TBC1D5: variants seen among roughly 807,000 people sequenced by gnomAD.
TBC1D5 encodes the protein TBC1 domain family, member 5.
TBC1D5 carries 75 observed loss-of-function variants against 100.3 expected under a neutral mutation model. The observed-to-expected ratio is 0.75, with a 90% CI of 0.62 to 0.91. The LOEUF (loss-of-function observed/expected upper bound fraction) is 0.91, where lower values mean the gene tolerates loss of function less well. Ranked by LOEUF, TBC1D5 falls within the 40% of genes least tolerant of loss-of-function variation. The pLI is 0.00. For synonymous variants in TBC1D5, 323 were observed against 325.6 expected (o/e 0.99, Z 0.09); for missense variants, 910 against 942.4 (o/e 0.97, Z 0.45).
At chr3:17,590,889 T>G (rs2096762696) in intron 2 of TBC1D5, among the ~76,000 whole-genome samples, 1 of 151,836 alleles carries the variant, frequency 6.6e-6, no homozygotes. Flanking sequence ...CCTACCTAAT[T>G]TACACAAGCA....
chr3:17,494,124 C>T (rs541167731), intron 3 of TBC1D5, among the ~76,000 whole-genome samples: 2 of 152,198 alleles, frequency 1.3e-5, no homozygotes, highest in South Asian at 4.2e-4. Flanking sequence ...GTCGTTGATG[C>T]TATTTGTTTT....
chr3:17,165,913 C>T (rs1431483007), intron 21 of TBC1D5, among the ~76,000 whole-genome samples: 1 of 152,214 alleles, frequency 6.6e-6, no homozygotes, highest in Non-Finnish European at 1.5e-5. Context: ...GGCTAAGTGC[C>T]TCTGGCTTCG....
intron 2 of TBC1D5, among the ~76,000 whole-genome samples, chr3:17,525,841 T>C (rs1293925193): frequency 2.0e-5 from 3 of 151,650 alleles, no homozygotes; most frequent in African/African-American, 7.3e-5. Flanking sequence ...TAAAACACTT[T>C]ACTTCTTTTT....
chr3:17,324,500 CG>C (rs1362435499), intron 13 of TBC1D5, among the ~76,000 whole-genome samples: 1 of 151,928 alleles, frequency 6.6e-6, no homozygotes, highest in Non-Finnish European at 1.5e-5. Context: ...AAAAATTAGC[CG>C]GGTGTAGTGG....
At chr3:17,428,734 T>C (rs2094391972) in intron 3 of TBC1D5, among the ~76,000 whole-genome samples, 1 of 151,942 alleles carries the variant, frequency 6.6e-6, no homozygotes. Context: ...ACAGTAACAG[T>C]ACCAAAGTAA....
At chr3:17,310,792 T>G (rs1025676245) in intron 13 of TBC1D5, among the ~76,000 whole-genome samples, 1 of 152,060 alleles carries the variant, frequency 6.6e-6, no homozygotes, top group African/African-American at 2.4e-5. Flanking sequence ...GAGAGGATAT[T>G]AAAGTAAAAT....
At chr3:17,487,733 A>C (rs1222418918) in intron 3 of TBC1D5, among the ~76,000 whole-genome samples, 1 of 152,198 alleles carries the variant, frequency 6.6e-6, no homozygotes, top group African/African-American at 2.4e-5. Context: ...TAGCATGAGG[A>C]ATAAAGGGAA....
chr3:17,736,236 G>T (rs1276434744), intron 1 of TBC1D5, among the ~76,000 whole-genome samples: 1 of 152,080 alleles, frequency 6.6e-6, no homozygotes, highest in Non-Finnish European at 1.5e-5. Context: ...TCCAGCCTGA[G>T]TAACAGAGTG....
chr3:17,604,516 C>T (rs1230491126), intron 2 of TBC1D5, among the ~76,000 whole-genome samples: 3 of 152,104 alleles, frequency 2.0e-5, no homozygotes, highest in African/African-American at 4.8e-5. Context: ...TTTTGAAAGC[C>T]TAACTTCCAA....
intron 18 of TBC1D5, among the ~76,000 whole-genome samples, chr3:17,209,663 G>A (rs2072701004): frequency 6.6e-6 from 1 of 152,166 alleles, no homozygotes; most frequent in South Asian, 2.1e-4. Flanking sequence ...TCCCAGCTCA[G>A]TTATAAGGTT....
chr3:17,701,314 T>C (rs1377669168), intron 1 of TBC1D5, among the ~76,000 whole-genome samples: 2 of 151,780 alleles, frequency 1.3e-5, no homozygotes, highest in East Asian at 3.9e-4. Context: ...CATCACACAC[T>C]GGGGCCTGTT....
At chr3:17,569,281 G>T (rs1386939829) in intron 2 of TBC1D5, among the ~76,000 whole-genome samples, 1 of 151,758 alleles carries the variant, frequency 6.6e-6, no homozygotes, top group Non-Finnish European at 1.5e-5. Flanking sequence ...TATTAAATCA[G>T]TCGACTGGAT....
intron 3 of TBC1D5, among the ~76,000 whole-genome samples, chr3:17,456,685 G>A (rs1451936690): frequency 2.0e-5 from 3 of 152,146 alleles, no homozygotes; most frequent in Non-Finnish European, 2.9e-5. Context: ...CTTATACACT[G>A]CTGGTGGCAA....
Position 17,308,477 on chromosome 3 carries a change from T to A in TBC1D5, c.996-343A>T, listed in dbSNP as rs143754404. On this transcript the variant is annotated intron_variant, in intron 13 of 21. Transcript: ENST00000253692. Reference sequence around the variant, plus strand: ...TTGCTTCCATAGGTAAGGTTGTAAGTTAAAAATAAAATTTTCCAAAATTTC... The same window carrying A: ...TTGCTTCCATAGGTAAGGTTGTAAGATAAAAATAAAATTTTCCAAAATTTC... Among the ~76,000 whole-genome samples, 1,063 of 152,238 alleles carry A rather than the reference T, an allele frequency of 7.0e-3. 16 individuals carry two copies. The highest frequency in any genetic ancestry group is 0.024 in the African/African-American group (997 of 41,562).
chr3:17,414,393 T>G (rs1448721639), intron 4 of TBC1D5, among the ~76,000 whole-genome samples: 1 of 152,242 alleles, frequency 6.6e-6, no homozygotes, highest in Non-Finnish European at 1.5e-5. Context: ...TTTTTGAATC[T>G]GTTTCTAATC....
intron 2 of TBC1D5, among the ~76,000 whole-genome samples, chr3:17,540,733 C>A (rs1307495295): frequency 2.0e-5 from 3 of 151,244 alleles, no homozygotes; most frequent in African/African-American, 2.4e-5. Flanking sequence ...ATGGTGAAAC[C>A]CCGTCTCTAC....
At chr3:17,310,863 TAAG>T (rs2083947181) in intron 13 of TBC1D5, among the ~76,000 whole-genome samples, 1 of 152,122 alleles carries the variant, frequency 6.6e-6, no homozygotes, top group East Asian at 1.9e-4. Flanking sequence ...TCAAAATATT[TAAG>T]AAGAAGCATA....
chr3:17,174,877 C>A (rs2067552149), intron 19 of TBC1D5, among the ~76,000 whole-genome samples: 1 of 152,186 alleles, frequency 6.6e-6, no homozygotes, highest in Non-Finnish European at 1.5e-5. Flanking sequence ...CAGACATGAG[C>A]CACCATGCCC....
rs11328091 is a variant in TBC1D5 at position 17,337,123 on chromosome 3, GTT to G, written c.996-28991_996-28990del. On this transcript the variant is annotated intron_variant, in intron 13 of 21. Coordinates refer to ENST00000253692, the Ensembl canonical transcript of TBC1D5. Reference sequence around the variant, plus strand: ...AGCTTGCACCAAAATTATCTGAGAGGTTTTTTTTTTTTTTTTTTTTTTAAGAT... The same window carrying G: ...AGCTTGCACCAAAATTATCTGAGAGGTTTTTTTTTTTTTTTTTTTTAAGAT... Among the ~76,000 whole-genome samples, 804 of 116,124 alleles carry G rather than the reference GTT, an allele frequency of 6.9e-3. 9 individuals are homozygous for G. Among genetic ancestry groups the G allele is most frequent in the African/African-American group, 0.023 (645 of 28,462 alleles). The allele number at this position is 116,124 out of a possible 152,430, so 76.2% of individuals were successfully genotyped here.
Sources: allele counts gnomAD v4.1 joint callset (sites outside exome capture counted in the v4.1 genomes callset), GRCh38; gene constraint gnomAD v4.1.1; transcripts MANE v1.5; gene names NCBI Gene and HGNC (gene_info 2026-07-23, HGNC 2026-07-21).